The following DOCK3 variants were observed in gnomAD, a reference collection of about 807,000 sequenced individuals.
DOCK3 encodes the protein dedicator of cytokinesis 3, also known as dedicator of cytokinesis protein 3.
In DOCK3, 60 loss-of-function variants were observed where a neutral mutation model predicts 265.6. The observed-to-expected ratio is 0.23, with a 90% CI of 0.18 to 0.28. DOCK3 has a LOEUF of 0.28. Ranked by LOEUF, DOCK3 falls within the 10% of genes least tolerant of loss-of-function variation. The probability of loss-of-function intolerance (pLI) is 1.00; values close to 1 mark genes in which losing one functional copy is unlikely to be tolerated. For synonymous variants in DOCK3, 881 were observed against 938.0 expected (o/e 0.94, Z 1.11); for missense variants, 1,981 against 2,594.3 (o/e 0.76, Z 5.14).
intron 7 of DOCK3, among the ~76,000 whole-genome samples, chr3:51,085,349 T>A (rs1458484919): frequency 6.6e-6 from 1 of 152,190 alleles, no homozygotes; most frequent in African/African-American, 2.4e-5. Context: ...AAATATTTCA[T>A]TCAACAGTAT....
intron 14 of DOCK3, among the ~76,000 whole-genome samples, chr3:51,218,330 A>T (rs1055817685): frequency 7.2e-5 from 11 of 152,096 alleles, no homozygotes; most frequent in Admixed American, 6.6e-4. Flanking sequence ...GATATTCAGG[A>T]GGCTGAGGCA....
At chr3:50,804,765 A>C (rs1297233875) in intron 2 of DOCK3, among the ~76,000 whole-genome samples, 1 of 119,102 alleles carries the variant, frequency 8.4e-6, no homozygotes, top group South Asian at 3.0e-4. Context: ...GGAGAGGGAG[A>C]GGGGGAGGGG....
chr3:51,162,686 C>T lies in DOCK3; in HGVS notation c.1037+1984C>T, dbSNP rs2086197635. On this transcript the variant is annotated intron_variant, in intron 12 of 52. Transcript: ENST00000266037. ...CTTGTTTTGGTGCAAATTTTCATTACAGATAGGAGCTTGCACAGCATTCCT... is the reference window on the plus strand; with the variant it reads ...CTTGTTTTGGTGCAAATTTTCATTATAGATAGGAGCTTGCACAGCATTCCT... Among the ~76,000 whole-genome samples, 3 of 152,218 alleles carry T rather than the reference C, an allele frequency of 2.0e-5. No individual in the cohort carries two copies. In the South Asian group the frequency reaches 6.2e-4, roughly 32 times the overall value.
At chr3:51,265,629 G>A (rs2080119883) in intron 23 of DOCK3, among the ~76,000 whole-genome samples, 1 of 152,130 alleles carries the variant, frequency 6.6e-6, no homozygotes, top group Non-Finnish European at 1.5e-5. Flanking sequence ...ATGCAGAAAA[G>A]GCCTTCAATA....
chr3:51,130,584 G>C (rs568400255), intron 9 of DOCK3, among the ~76,000 whole-genome samples: 1 of 152,306 alleles, frequency 6.6e-6, no homozygotes, highest in South Asian at 2.1e-4. Context: ...CTTCTACACA[G>C]GCTAAATGGG....
chr3:51,301,638 T>G (rs897291721), intron 27 of DOCK3, among the ~76,000 whole-genome samples: 1 of 152,194 alleles, frequency 6.6e-6, no homozygotes, highest in Admixed American at 6.5e-5. Context: ...AAATAACTTC[T>G]TGATTTTGGT....
At chr3:51,062,569 T>A (rs1231835495) in intron 5 of DOCK3, among the ~76,000 whole-genome samples, 1 of 152,208 alleles carries the variant, frequency 6.6e-6, no homozygotes, top group East Asian at 1.9e-4. Flanking sequence ...TTTCTTTTTA[T>A]AATTTATCAC....
rs137968834 is a variant in DOCK3, at chr3:50,896,342, G to C, written c.218+6261G>C. On this transcript the variant is annotated intron_variant, in intron 4 of 52. Coordinates refer to ENST00000266037, the MANE Select transcript of DOCK3 (RefSeq NM_004947.5). ...CATCTCCTTTGCCCACTTTTTGATG[G>C]AGTTGTTTTTTTCTTATAAATTTGT... Among the ~76,000 whole-genome samples, 850 of 152,220 alleles carry C rather than the reference G, an allele frequency of 5.6e-3. 9 individuals are homozygous for C. Among genetic ancestry groups the C allele is most frequent in the African/African-American group, 0.018 (743 of 41,532 alleles).
intron 1 of DOCK3, among the ~76,000 whole-genome samples, chr3:50,751,430 T>G (rs1004713435): frequency 1.3e-5 from 2 of 152,136 alleles, no homozygotes; most frequent in African/African-American, 4.8e-5. Flanking sequence ...CTTCCCCCAA[T>G]GCCTGGACAG....
At chr3:51,333,315 TCC>T (rs2084652398) in intron 35 of DOCK3, 62 bp downstream of exon 35, 1 of 1,530,806 alleles carries the variant, frequency 6.5e-7, no homozygotes, top group Non-Finnish European at 9.0e-7. Flanking sequence ...GGCAAGGGAA[TCC>T]CCCTGACCTG....
At chr3:51,102,050 G>A (rs1047373053) in intron 9 of DOCK3, among the ~76,000 whole-genome samples, 6 of 152,220 alleles carry the variant, frequency 3.9e-5, no homozygotes, top group Admixed American at 3.9e-4. Context: ...TTTAGCTGGG[G>A]AAATTTTAAC....
intron 27 of DOCK3, among the ~76,000 whole-genome samples, chr3:51,303,293 CT>C (rs1039034430): frequency 6.6e-6 from 1 of 152,178 alleles, no homozygotes; most frequent in African/African-American, 2.4e-5. Context: ...ACTGGCTCTT[CT>C]GGTTAACAGC....
chr3:51,064,675 AG>A, intron 6 of DOCK3, 79 bp downstream of exon 6: 1 of 1,519,076 alleles, frequency 6.6e-7, no homozygotes, highest in Non-Finnish European at 8.9e-7. Context: ...ACCTATACAA[AG>A]CTTCTCTTTA....
intron 1 of DOCK3, among the ~76,000 whole-genome samples, chr3:50,757,383 G>A (rs4688698): frequency 0.072 from 10,874 of 151,732 alleles, 972 homozygotes; most frequent in East Asian, 0.33. Flanking sequence ...TGTTGGCCCG[G>A]CTGGTCTTGA....
intron 3 of DOCK3, among the ~76,000 whole-genome samples, chr3:50,851,431 A>G (rs911809768): frequency 1.3e-5 from 2 of 152,120 alleles, no homozygotes; most frequent in African/African-American, 2.4e-5. Context: ...TAGAACTCCA[A>G]ATGCCTGGAG....
rs2089652634 is a variant in DOCK3 at position 51,214,111 on chromosome 3, T to C, written c.1127-11T>C. 3.7e-6 allele frequency: 6 copies of C among 1,613,578 alleles called. No individual in the cohort carries two copies. The South Asian group carries it at 6.6e-5, about 18-fold the overall frequency. On this transcript the variant is annotated splice_polypyrimidine_tract_variant and intron_variant, in intron 13 of 52. Coordinates refer to ENST00000266037, the MANE Select transcript of DOCK3 (RefSeq NM_004947.5). ...AACTGTGGTTCTAAGAAAATGCTTT[T>C]GTTTTTGCAGGTCTTATCATTTCTC...
chr3:50,764,903 A>G (rs1363577244), intron 1 of DOCK3, among the ~76,000 whole-genome samples: 2 of 152,028 alleles, frequency 1.3e-5, no homozygotes, highest in Non-Finnish European at 2.9e-5. Flanking sequence ...ACAATGAGTA[A>G]TGTTAAAGGG....
At position 51,140,231 on chromosome 3, in the gene DOCK3, C is replaced by T. The variant is rs542974239; in HGVS notation, c.747-6318C>T. Among the ~76,000 whole-genome samples, 19 of 152,232 alleles carry T rather than the reference C, an allele frequency of 1.2e-4. No individual in the cohort carries two copies. In the South Asian group the frequency reaches 3.7e-3, roughly 30 times the overall value. ...CAGTATCATCAACTCAAAAAGAAAT[C>T]CCATACCATTTAATAGTCACTCCAT... On this transcript the variant is annotated intron_variant, in intron 9 of 52. Coordinates refer to ENST00000266037, the MANE Select transcript of DOCK3 (RefSeq NM_004947.5).
chr3:50,709,178 A>T (rs1402282757), intron 1 of DOCK3, among the ~76,000 whole-genome samples: 2 of 152,126 alleles, frequency 1.3e-5, no homozygotes, highest in Admixed American at 1.3e-4. Context: ...TGTTTTCTTC[A>T]CTTTATTGTT....
Sources: gnomAD v4.1 joint callset for allele counts (sites outside exome capture counted in the v4.1 genomes callset) on GRCh38, gnomAD v4.1.1 for gene constraint, MANE v1.5 for transcripts, NCBI Gene and HGNC (gene_info 2026-07-23, HGNC 2026-07-21) for gene names.